CYFIP1: variants seen among roughly 807,000 people sequenced by gnomAD.
CYFIP1 encodes the protein cytoplasmic FMR1 interacting protein 1.
A neutral mutation model predicts 163.5 loss-of-function variants in CYFIP1; 58 were observed. The observed-to-expected ratio is 0.35, with a 90% confidence interval of 0.29 to 0.44. The LOEUF (loss-of-function observed/expected upper bound fraction) is 0.44. Ranked by LOEUF, CYFIP1 falls within the 20% of genes least tolerant of loss-of-function variation. CYFIP1 has a pLI of 1.00. For synonymous variants in CYFIP1, 663 were observed against 660.7 expected, an observed-to-expected ratio of 1.00 and a Z score of -0.05; for missense variants, 1,338 against 1,653.8, an observed-to-expected ratio of 0.81 and a Z score of 3.31.
chr15:22,953,916 C>T (rs1247489853), intron 1 of CYFIP1, among the ~76,000 whole-genome samples: 3 of 152,186 alleles, frequency 2.0e-5, no homozygotes, highest in African/African-American at 4.8e-5. Flanking sequence ...ATTAGCCAGG[C>T]GTGGTGGCGG....
Position 22,872,774 on chromosome 15 carries a change from G to A in CYFIP1, c.3597+51C>T, listed in dbSNP as rs1017430803. On this transcript the variant is annotated intron_variant, in intron 30 of 30. Transcript: ENST00000617928. The stretch of plus-strand genomic sequence containing the variant: ...AACAAGAACTTATAACACAAAGAAA[G>A]TATGCTTTTGCAAAAGGTCCATAGA... 9 of 1,573,244 alleles carry A rather than the reference G, an allele frequency of 5.7e-6. No individual in the cohort carries two copies. In the South Asian group the frequency reaches 1.0e-4, roughly 18 times the overall value.
intron 22 of CYFIP1, among the ~76,000 whole-genome samples, chr15:22,896,779 G>A (rs559198346): frequency 1.0e-4 from 14 of 138,972 alleles, no homozygotes; most frequent in South Asian, 2.4e-4. Flanking sequence ...TCATTTCTGC[G>A]TCTGTTTTGT....
chr15:22,938,082 C>A (rs747883290), intron 8 of CYFIP1, among the ~76,000 whole-genome samples: 3 of 152,138 alleles, frequency 2.0e-5, no homozygotes, highest in Non-Finnish European at 4.4e-5. Flanking sequence ...GGTGGGACAC[C>A]CAGCAAAGGG....
intron 1 of CYFIP1, among the ~76,000 whole-genome samples, chr15:22,956,823 A>C (rs1158905528): frequency 1.3e-5 from 2 of 152,232 alleles, no homozygotes; most frequent in Non-Finnish European, 2.9e-5. Flanking sequence ...ACACACAGGG[A>C]CAACGTGCAC....
chr15:22,970,944 C>T (rs2063073594), intron 1 of CYFIP1, among the ~76,000 whole-genome samples: 1 of 151,932 alleles, frequency 6.6e-6, no homozygotes, highest in Non-Finnish European at 1.5e-5. Flanking sequence ...GGTGTGGTGG[C>T]GGGGGCCTGT....
At chr15:22,966,084 C>A (rs78292839) in intron 1 of CYFIP1, among the ~76,000 whole-genome samples, 2,617 of 152,098 alleles carry the variant, frequency 0.017, 32 homozygotes, top group Non-Finnish European at 0.028. Context: ...TGCAGTGGAT[C>A]ACACCTGTAA....
At chr15:22,953,343 G>A (rs895980745) in intron 1 of CYFIP1, among the ~76,000 whole-genome samples, 3 of 145,026 alleles carry the variant, frequency 2.1e-5, no homozygotes, top group African/African-American at 5.3e-5. Flanking sequence ...GCTCTTTCAA[G>A]TGCATTTACT....
intron 25 of CYFIP1, 132 bp from the exon 26 acceptor site, chr15:22,880,175 C>T: frequency 8.1e-7 from 1 of 1,229,792 alleles, no homozygotes; most frequent in South Asian, 1.3e-5. Context: ...GCCACAACGT[C>T]CCATCCCCAG....
intron 1 of CYFIP1, among the ~76,000 whole-genome samples, chr15:22,968,441 C>G (rs1307065777): frequency 1.3e-5 from 2 of 152,176 alleles, no homozygotes; most frequent in African/African-American, 4.8e-5. Flanking sequence ...TTCAGGCTGC[C>G]TTCAACATCA....
intron 13 of CYFIP1, among the ~76,000 whole-genome samples, chr15:22,924,909 C>A (rs1208221726): frequency 6.6e-6 from 1 of 151,928 alleles, no homozygotes; most frequent in Non-Finnish European, 1.5e-5. Flanking sequence ...CCATCTCTAC[C>A]AAAAATATAA....
intron 23 of CYFIP1, among the ~76,000 whole-genome samples, chr15:22,888,931 C>T (rs547406924): frequency 4.6e-5 from 7 of 151,962 alleles, no homozygotes; most frequent in African/African-American, 1.7e-4. Flanking sequence ...ATCCCAGCTA[C>T]TCGGGAGGCT....
intron 17 of CYFIP1, 183 bp from the exon 18 acceptor site, chr15:22,912,458 C>T (rs1249570609): frequency 4.5e-5 from 23 of 515,768 alleles, no homozygotes; most frequent in Admixed American, 3.8e-4. Flanking sequence ...GCGGCCGCCA[C>T]ACCCACCAGG....
chr15:22,961,750 CT>C (rs2062689535), intron 1 of CYFIP1, among the ~76,000 whole-genome samples: 1 of 152,118 alleles, frequency 6.6e-6, no homozygotes, highest in South Asian at 2.1e-4. Flanking sequence ...TCCTTGGAAT[CT>C]TGGTATTTTC....
chr15:22,909,007 G>A (rs1434190047), intron 21 of CYFIP1, among the ~76,000 whole-genome samples, 187 bp downstream of exon 21: 1 of 151,798 alleles, frequency 6.6e-6, no homozygotes, highest in Non-Finnish European at 1.5e-5. Flanking sequence ...CCCGATGAGT[G>A]CATCTCTTTT....
chr15:22,951,182 A>G (rs1040087096), intron 1 of CYFIP1, among the ~76,000 whole-genome samples: 1 of 152,168 alleles, frequency 6.6e-6, no homozygotes, highest in Non-Finnish European at 1.5e-5. Context: ...ACTGGAAATG[A>G]GGGAGAACAG....
intron 13 of CYFIP1, among the ~76,000 whole-genome samples, chr15:22,925,305 T>C (rs759580598): frequency 1.5e-4 from 23 of 152,120 alleles, no homozygotes; most frequent in Non-Finnish European, 2.6e-4. Flanking sequence ...TCATACACGG[T>C]AGATGACTAC....
intron 27 of CYFIP1, among the ~76,000 whole-genome samples, chr15:22,874,907 C>T (rs1406425383): frequency 6.6e-6 from 1 of 152,082 alleles, no homozygotes. Context: ...GAGCCTGTAC[C>T]CATCATCTGC....
chr15:22,942,416 G>C (rs1366073590), intron 6 of CYFIP1, among the ~76,000 whole-genome samples: 1 of 151,754 alleles, frequency 6.6e-6, no homozygotes, highest in Non-Finnish European at 1.5e-5. Flanking sequence ...AGCAGAGCAA[G>C]AGCATCAGGA....
intron 17 of CYFIP1, among the ~76,000 whole-genome samples, chr15:22,913,355 T>G (rs2060846519): frequency 6.8e-6 from 1 of 147,970 alleles, no homozygotes; most frequent in Admixed American, 6.8e-5. Flanking sequence ...ATGATGAAAC[T>G]CATCTCTACT....
Sources: allele counts gnomAD v4.1 joint callset (sites outside exome capture counted in the v4.1 genomes callset), GRCh38; gene constraint gnomAD v4.1.1; transcripts MANE v1.5; gene names NCBI Gene and HGNC (gene_info 2026-07-23, HGNC 2026-07-21).